LYN: variants seen among roughly 807,000 people sequenced by gnomAD.
LYN encodes tyrosine-protein kinase Lyn.
LYN carries 12 observed loss-of-function variants against 65.0 expected under a neutral mutation model. The ratio of observed to expected loss-of-function variants is 0.18; its 90% confidence interval spans 0.12 to 0.30. The LOEUF (loss-of-function observed/expected upper bound fraction) is 0.30, where lower values mean the gene tolerates loss of function less well. LYN is among the 10% of genes least tolerant of loss of function. The pLI is 1.00. For synonymous variants in LYN, 222 were observed against 221.2 expected (o/e 1.00, Z -0.03); for missense variants, 380 against 623.2 (o/e 0.61, Z 4.16).
chr8:55,966,663 C>A lies in LYN; in HGVS notation c.791-52C>A, dbSNP rs374772696. ...GATTATAGGTGTGAGCCACCTCCCC[C>A]GGCTAGATTTTCTGTTTTATAAAGC... On this transcript the variant is annotated intron_variant, in intron 8 of 12. Coordinates refer to ENST00000519728, the MANE Select transcript of LYN (RefSeq NM_002350.4). The A allele has an allele frequency of 5.2e-6, 8 of 1,544,632 alleles. No individual in the cohort carries two copies. The African/African-American group carries it at 1.1e-4, about 21-fold the overall frequency.
intron 8 of LYN, among the ~76,000 whole-genome samples, chr8:55,961,692 T>G (rs1807279609): frequency 6.6e-6 from 1 of 152,242 alleles, no homozygotes; most frequent in African/African-American, 2.4e-5. Flanking sequence ...GCTTCATTGT[T>G]TTTATGATGG....
intron 10 of LYN, among the ~76,000 whole-genome samples, chr8:55,976,691 A>C (rs996566168): frequency 6.6e-5 from 10 of 152,180 alleles, no homozygotes; most frequent in African/African-American, 2.2e-4. Flanking sequence ...GTGGGCTAGC[A>C]GGTGGAAGGT....
At chr8:55,907,982 G>T (rs1043678683) in intron 1 of LYN, among the ~76,000 whole-genome samples, 1 of 152,128 alleles carries the variant, frequency 6.6e-6, no homozygotes, top group Non-Finnish European at 1.5e-5. Context: ...TTAGCAGATT[G>T]TAAGGGTTGA....
chr8:55,972,792 T>C (rs1807645833), intron 10 of LYN, among the ~76,000 whole-genome samples: 1 of 152,234 alleles, frequency 6.6e-6, no homozygotes, highest in Admixed American at 6.5e-5. Context: ...CAACCTTTTC[T>C]ATACCTTCCC....
chr8:55,919,943 C>T (rs1242040164), intron 1 of LYN, among the ~76,000 whole-genome samples: 4 of 152,098 alleles, frequency 2.6e-5, no homozygotes, highest in Admixed American at 6.5e-5. Context: ...GTCACGTGAC[C>T]CCACTCTTTG....
intron 8 of LYN, among the ~76,000 whole-genome samples, chr8:55,960,483 C>T (rs959018547): frequency 3.9e-5 from 6 of 152,188 alleles, no homozygotes; most frequent in Non-Finnish European, 5.9e-5. Context: ...GCTCCTTCTT[C>T]ACTCCTGAAA....
chr8:55,899,094 AAG>A (rs1351897355), intron 1 of LYN, among the ~76,000 whole-genome samples: 2 of 152,214 alleles, frequency 1.3e-5, no homozygotes, highest in Non-Finnish European at 2.9e-5. Flanking sequence ...TCTTAGTTGG[AAG>A]AGTTTTACAA....
intron 10 of LYN, among the ~76,000 whole-genome samples, chr8:55,996,966 C>G (rs535106755): frequency 6.6e-6 from 1 of 151,764 alleles, no homozygotes; most frequent in Non-Finnish European, 1.5e-5. Flanking sequence ...ACTAAAAATA[C>G]AAAAACTAGC....
Position 56,010,490 on chromosome 8 carries a change from G to A in LYN, c.*380G>A. On this transcript the variant is annotated 3_prime_UTR_variant, in exon 13 of 13. Coordinates refer to ENST00000519728, the MANE Select transcript of LYN (RefSeq NM_002350.4). ...CCATTGCAATGAATCCCCAATAATT[G>A]CAGAACTAAACTCATTTATAAAGCT... 1 of 287,182 alleles carries A rather than the reference G, an allele frequency of 3.5e-6. No individual in the cohort carries two copies. 17.8% of individuals were successfully genotyped at this position (287,182 alleles called of 1,614,324 possible).
chr8:55,970,961 G>A (rs578032613), intron 10 of LYN, among the ~76,000 whole-genome samples: 1 of 152,286 alleles, frequency 6.6e-6, no homozygotes, highest in South Asian at 2.1e-4. Context: ...TGCTTGGCAC[G>A]GACACAAGCA....
chr8:55,880,145 G>T, intron 1 of LYN, 42 bp downstream of exon 1: 1 of 230,332 alleles, frequency 4.3e-6, no homozygotes, highest in Non-Finnish European at 8.7e-6. Context: ...GCGGGCACGC[G>T]GGCAGTGGGT....
chr8:55,899,960 G>C (rs921422668), intron 1 of LYN, among the ~76,000 whole-genome samples: 1 of 152,178 alleles, frequency 6.6e-6, no homozygotes, highest in Non-Finnish European at 1.5e-5. Context: ...CTTTTCTGCA[G>C]ATAAGTAAAG....
rs777645315 is a variant in LYN, at chr8:56,013,227, C to G, written c.*3117C>G. On this transcript the variant is annotated 3_prime_UTR_variant, in exon 13 of 13. Coordinates refer to ENST00000519728, the MANE Select transcript of LYN (RefSeq NM_002350.4). ...GCACTGAAAGCATCATAAGTATAAA[C>G]TCATCTCCACGTCAGCTTGTGGAGT... 3 of 151,794 alleles carry G rather than the reference C, an allele frequency of 2.0e-5. No homozygotes were observed. The highest frequency in any genetic ancestry group is 4.4e-5 in the Non-Finnish European group (3 of 68,022). The allele number at this position is 151,794 out of a possible 1,614,324, so 9.4% of individuals were successfully genotyped here. A position where few individuals can be genotyped will look rare whatever the true frequency, so the allele number is the denominator to read the frequency against.
chr8:55,922,501 G>A (rs1394580594), intron 1 of LYN, among the ~76,000 whole-genome samples: 1 of 152,134 alleles, frequency 6.6e-6, no homozygotes, highest in African/African-American at 2.4e-5. Flanking sequence ...TAGGCTGGGT[G>A]TGGTGACTCA....
intron 9 of LYN, among the ~76,000 whole-genome samples, chr8:55,969,194 G>C (rs1807541523): frequency 6.6e-6 from 1 of 152,208 alleles, no homozygotes; most frequent in Admixed American, 6.5e-5. Context: ...GATTGCTTGA[G>C]CTTGGGAGGC....
intron 6 of LYN, among the ~76,000 whole-genome samples, chr8:55,951,485 C>T (rs1806946297): frequency 6.6e-6 from 1 of 151,888 alleles, no homozygotes; most frequent in South Asian, 2.1e-4. Context: ...GGCAACATAG[C>T]AAGAGCCTGT....
chr8:56,001,765 C>T (rs1193230636), intron 12 of LYN, among the ~76,000 whole-genome samples: 1 of 152,032 alleles, frequency 6.6e-6, no homozygotes, highest in Admixed American at 6.6e-5. Flanking sequence ...TATAATCTGA[C>T]ACCTGATAAA....
intron 3 of LYN, among the ~76,000 whole-genome samples, chr8:55,946,736 T>C (rs1806789043): frequency 6.6e-6 from 1 of 152,072 alleles, no homozygotes; most frequent in Non-Finnish European, 1.5e-5. Flanking sequence ...CATTAAACAA[T>C]AAGTCCCCAT....
intron 9 of LYN, among the ~76,000 whole-genome samples, chr8:55,968,513 T>G (rs1297748895): frequency 6.6e-6 from 1 of 152,216 alleles, no homozygotes. Flanking sequence ...TGCCTTGGCC[T>G]CCCAAAGTGC....
Sources: gnomAD v4.1 joint callset for allele counts (sites outside exome capture counted in the v4.1 genomes callset) on GRCh38, gnomAD v4.1.1 for gene constraint, MANE v1.5 for transcripts, NCBI Gene and HGNC (gene_info 2026-07-23, HGNC 2026-07-21) for gene names.